GLRA2: variants seen among roughly 807,000 people sequenced by gnomAD.
GLRA2 encodes the protein glycine receptor alpha 2.
GLRA2 carries 11 observed loss-of-function variants against 31.6 expected under a neutral mutation model. The observed-to-expected ratio is 0.35, with a 90% CI of 0.22 to 0.58. GLRA2 has a LOEUF of 0.58. GLRA2 is among the 20% of genes least tolerant of loss of function. The probability of loss-of-function intolerance (pLI) is 0.84; values close to 1 mark genes in which losing one functional copy is unlikely to be tolerated. For missense variants in GLRA2, 212 were observed against 351.8 expected, an observed-to-expected ratio of 0.60 and a Z score of 3.18; for synonymous variants, 132 against 134.0, an observed-to-expected ratio of 0.99 and a Z score of 0.10.
intron 7 of GLRA2, among the ~76,000 whole-genome samples, chrX:14,642,595 AT>A (rs111796358): frequency 0.01 from 1,047 of 103,002 alleles, 4 homozygotes; most frequent in Middle Eastern, 0.015. Context: ...TCTGGTCATG[AT>A]TTTTTTTTTT....
At chrX:14,493,850 G>T in the GLRA2 span, among the ~76,000 whole-genome samples, 1 of 105,595 alleles carries the variant, frequency 9.5e-6, no homozygotes, top group Admixed American at 1.0e-4. Context: ...ATATCCAAAA[G>T]AAATGCATAT....
chrX:14,660,696 T>C (rs1265198227), intron 7 of GLRA2, among the ~76,000 whole-genome samples: 2 of 111,720 alleles, frequency 1.8e-5, no homozygotes, highest in Non-Finnish European at 3.8e-5. Context: ...TTGCTGCATG[T>C]ACATTGAAGT....
intron 3 of GLRA2, among the ~76,000 whole-genome samples, chrX:14,577,966 T>G (rs1415142516): frequency 8.9e-6 from 1 of 112,004 alleles, no homozygotes; most frequent in African/African-American, 3.2e-5. Flanking sequence ...GTAGTCAGAA[T>G]CCTTAGCTTT....
the GLRA2 span, among the ~76,000 whole-genome samples, chrX:14,502,785 G>A: frequency 9.3e-6 from 1 of 107,712 alleles, no homozygotes; most frequent in African/African-American, 3.4e-5. Context: ...TCTCTGTAAC[G>A]CATATCATGG....
At chrX:14,537,610 C>T (rs2089343367) in intron 2 of GLRA2, among the ~76,000 whole-genome samples, 2 of 110,917 alleles carry the variant, frequency 1.8e-5, no homozygotes, top group South Asian at 7.7e-4. Context: ...GCTAAAATTA[C>T]AGCACTGTTG....
At chrX:14,613,151 T>G (rs763196910) in intron 7 of GLRA2, among the ~76,000 whole-genome samples, 60 of 111,553 alleles carry the variant, frequency 5.4e-4, no homozygotes, top group African/African-American at 1.8e-3. Context: ...TTATATAAAT[T>G]GTTTAGCCCA....
chrX:14,536,794 T>C (rs1181777019), intron 2 of GLRA2, among the ~76,000 whole-genome samples: 2 of 111,256 alleles, frequency 1.8e-5, no homozygotes, highest in Non-Finnish European at 3.8e-5. Flanking sequence ...TAAGCCCACA[T>C]TGAAAAATAT....
intron 7 of GLRA2, among the ~76,000 whole-genome samples, chrX:14,682,502 T>A (rs899839390): frequency 2.4e-4 from 27 of 111,617 alleles, no homozygotes; most frequent in African/African-American, 3.9e-4. Context: ...GGCCAAATAA[T>A]TGCAAACATT....
At chrX:14,691,324 TGCGCGC>T (rs1556085781) in intron 8 of GLRA2, among the ~76,000 whole-genome samples, 2 of 64,341 alleles carry the variant, frequency 3.1e-5, no homozygotes, top group Admixed American at 1.6e-4. Flanking sequence ...TGTGTGTGTG[TGCGCGC>T]GTGCGTGCGT....
intron 7 of GLRA2, among the ~76,000 whole-genome samples, chrX:14,628,392 C>T (rs1239834682): frequency 9.0e-6 from 1 of 111,321 alleles, no homozygotes; most frequent in African/African-American, 3.3e-5. Context: ...TAATGAACTA[C>T]TATCCTAAGC....
the GLRA2 span, among the ~76,000 whole-genome samples, chrX:14,518,961 G>A: frequency 3.1e-5 from 3 of 96,813 alleles, no homozygotes; most frequent in South Asian, 5.2e-4. Flanking sequence ...GAAGTGAGTC[G>A]AGATTGCGCC....
chrX:14,658,773 C>A lies in GLRA2; in HGVS notation c.931-31937C>A, dbSNP rs142527307. ...ACAGGCAGCCCTAGCAACAAAGGAA[C>A]CTTAGAAGAAAAAAGAAAAGGCAAT... On this transcript the variant is annotated intron_variant, in intron 7 of 8. Coordinates refer to ENST00000218075, the MANE Select transcript of GLRA2 (RefSeq NM_002063.4). 1.5e-3 allele frequency among the ~76,000 whole-genome samples: 172 copies of A among 111,837 alleles called. 3 individuals are homozygous for A. The East Asian group carries it at 0.044, about 28-fold the overall frequency.
At chrX:14,536,773 C>G (rs2089329909) in intron 2 of GLRA2, among the ~76,000 whole-genome samples, 1 of 110,735 alleles carries the variant, frequency 9.0e-6, no homozygotes, top group South Asian at 3.8e-4. Context: ...GAAAAAAAGC[C>G]CTAATGGCAC....
chrX:14,513,948 A>G, the GLRA2 span, among the ~76,000 whole-genome samples: 913 of 112,182 alleles, frequency 8.1e-3, 9 homozygotes, highest in African/African-American at 0.028. Flanking sequence ...GTTATTATAC[A>G]AAAAGGATAC....
intron 4 of GLRA2, among the ~76,000 whole-genome samples, chrX:14,597,313 G>C (rs1004597568): frequency 1.8e-5 from 2 of 112,159 alleles, no homozygotes; most frequent in Non-Finnish European, 3.8e-5. Flanking sequence ...TGCCCAGATT[G>C]CCAAGAAGTT....
intron 3 of GLRA2, among the ~76,000 whole-genome samples, chrX:14,576,605 A>G (rs1340859248): frequency 2.7e-5 from 3 of 112,375 alleles, no homozygotes; most frequent in African/African-American, 9.7e-5. Flanking sequence ...TCAATCAAAA[A>G]TGTAAATGTG....
intron 8 of GLRA2, among the ~76,000 whole-genome samples, chrX:14,715,809 G>C (rs1387570857): frequency 9.0e-6 from 1 of 111,710 alleles, no homozygotes; most frequent in Admixed American, 9.5e-5. Context: ...AAAGGAGCTT[G>C]GGAGTGGTCA....
the GLRA2 span, among the ~76,000 whole-genome samples, chrX:14,454,164 C>T: frequency 2.8e-5 from 1 of 35,780 alleles, no homozygotes; most frequent in Non-Finnish European, 5.5e-5. Flanking sequence ...CTAAACACAC[C>T]CACACACACC....
chrX:14,562,767 T>A (rs1367823842), intron 2 of GLRA2, among the ~76,000 whole-genome samples: 3 of 111,520 alleles, frequency 2.7e-5, no homozygotes, highest in East Asian at 5.6e-4. Flanking sequence ...ACCAGTCATA[T>A]CAGATTAGGG....
Sources: allele counts gnomAD v4.1 joint callset (sites outside exome capture counted in the v4.1 genomes callset), GRCh38; gene constraint gnomAD v4.1.1; transcripts MANE v1.5; gene names NCBI Gene and HGNC (gene_info 2026-07-23, HGNC 2026-07-21).